STT3A: variants seen among roughly 807,000 people sequenced by gnomAD.
The protein encoded by STT3A is dolichyl-diphosphooligosaccharide--protein glycosyltransferase subunit STT3A.
Under a neutral mutation model 89.2 loss-of-function variants are expected in STT3A, and 34 were observed. The observed-to-expected ratio is 0.38, with a 90% confidence interval of 0.29 to 0.51. STT3A has a LOEUF of 0.51. Ranked by LOEUF, STT3A falls within the 20% of genes least tolerant of loss-of-function variation. The pLI is 0.89. For synonymous variants in STT3A, 282 were observed against 310.3 expected (o/e 0.91, Z 0.96); for missense variants, 555 against 889.5 (o/e 0.62, Z 4.78).
Position 125,620,091 on chromosome 11 carries a change from T to G in STT3A, c.2044T>G (p.Tyr682Asp), listed in dbSNP as rs766872768. ...DFELDVLEEA[Y>D]TTEHWLVRIY... ...TGAGCTTGATGTCCTGGAGGAAGCA[T>G]ATACCACAGAACATTGGCTGGTCAG... is the stretch of plus-strand genomic sequence containing the variant. The change falls in exon 17 of 18, where the codon TAT (tyrosine) becomes GAT (aspartate). Residue 682 changes from tyrosine to aspartate, a missense_variant. This residue lies in a region of STT3A where 273 missense variants were observed against 449.8 expected (regional missense o/e 0.61). Coordinates refer to ENST00000392708, the MANE Select transcript of STT3A (RefSeq NM_152713.5). 2 of 1,614,138 alleles carry G rather than the reference T, an allele frequency of 1.2e-6. No individual in the cohort carries two copies. Among genetic ancestry groups the G allele is most frequent in the East Asian group, 2.2e-5 (1 of 44,882 alleles).
intron 1 of STT3A, among the ~76,000 whole-genome samples, chr11:125,594,550 C>T (rs1820696718): frequency 7.2e-6 from 1 of 138,302 alleles, no homozygotes; most frequent in Non-Finnish European, 1.5e-5. Flanking sequence ...CACCACTGCA[C>T]TCTAGCCTGG....
chr11:125,620,685 G>A, intron 17 of STT3A, 87 bp from the exon 18 acceptor site: 2 of 1,286,620 alleles, frequency 1.6e-6, no homozygotes, highest in Non-Finnish European at 2.3e-6. Flanking sequence ...ACATAATCCT[G>A]CCCACTCTGG....
At chr11:125,609,694 A>G in intron 10 of STT3A, 105 bp downstream of exon 10, 1 of 1,449,506 alleles carries the variant, frequency 6.9e-7, no homozygotes, top group African/African-American at 1.4e-5. Context: ...TTGCCTGTTT[A>G]TGTTGTGTAA....
At chr11:125,596,357 T>C (rs956345685) in intron 2 of STT3A, among the ~76,000 whole-genome samples, 3 of 151,998 alleles carry the variant, frequency 2.0e-5, no homozygotes, top group Non-Finnish European at 4.4e-5. Flanking sequence ...CCCAGCTACT[T>C]GGGAGGCTGA....
Position 125,614,261 on chromosome 11 carries a change from T to G in STT3A, c.1671+58T>G. On this transcript the variant is annotated intron_variant, in intron 14 of 17. Coordinates refer to ENST00000392708, the MANE Select transcript of STT3A (RefSeq NM_152713.5). This position sits in a 1 kb window ranked among gnomAD's most constrained non-coding sequence, Gnocchi z 4.9. ...TGTACAAGGTCTAATGGGAAATGTG[T>G]CTGCATGAGGGGATCATATGACTTG... 1 of 1,612,426 alleles carries G rather than the reference T, an allele frequency of 6.2e-7. No individual in the cohort carries two copies. The highest frequency in any genetic ancestry group is 8.5e-7 in the Non-Finnish European group (1 of 1,178,460).
intron 1 of STT3A, among the ~76,000 whole-genome samples, chr11:125,594,562 G>C (rs1473498725): frequency 8.3e-6 from 1 of 120,390 alleles, no homozygotes; most frequent in African/African-American, 3.1e-5. Flanking sequence ...CTAGCCTGGC[G>C]ACAGAGCAAG....
rs552409541 is a variant in STT3A at position 125,611,178 on chromosome 11, T to C, written c.1118-250T>C. The C allele has an allele frequency of 1.7e-5, 5 of 300,014 alleles. No individual in the cohort carries two copies. The East Asian group carries it at 3.2e-4, about 19-fold the overall frequency. 18.6% of individuals were successfully genotyped at this position (300,014 alleles called of 1,614,324 possible). On this transcript the variant is annotated intron_variant, in intron 10 of 17. Transcript: ENST00000392708. The stretch of plus-strand genomic sequence containing the variant: ...CAGCAATATTTTAATATATTCCATT[T>C]TATAAATATAGTATAATTAGCTCCT...
chr11:125,616,250 G>GTA (rs985268371), intron 15 of STT3A, among the ~76,000 whole-genome samples: 1 of 152,050 alleles, frequency 6.6e-6, no homozygotes, highest in Non-Finnish European at 1.5e-5. Flanking sequence ...TTTAGTATTT[G>GTA]TATATAATAT....
At chr11:125,597,883 C>G (rs1267253929) in intron 3 of STT3A, among the ~76,000 whole-genome samples, 1 of 152,110 alleles carries the variant, frequency 6.6e-6, no homozygotes, top group African/African-American at 2.4e-5. Flanking sequence ...TTTCAGCAAC[C>G]CTTTGAGATG....
intron 9 of STT3A, 172 bp downstream of exon 9, chr11:125,608,461 C>A: frequency 1.8e-6 from 1 of 568,254 alleles, no homozygotes; most frequent in East Asian, 3.6e-5. Flanking sequence ...ATTACAGGCG[C>A]CTGCCACCGC....
Position 125,619,992 on chromosome 11 carries a change from C to A in STT3A, c.1964-19C>A. 2 of 1,605,350 alleles carry A rather than the reference C, an allele frequency of 1.2e-6. No individual in the cohort carries two copies. The highest frequency in any genetic ancestry group is 1.7e-6 in the Non-Finnish European group (2 of 1,173,012). On this transcript the variant is annotated intron_variant, in intron 16 of 17. Transcript: ENST00000392708. ...TTAGCACTGTAGAAAGAAGTGTGTT[C>A]TTTTTCATCCCTCTCTAGAGCGTCC...
chr11:125,594,382 C>T (rs1468954678), intron 1 of STT3A, among the ~76,000 whole-genome samples: 1 of 152,022 alleles, frequency 6.6e-6, no homozygotes, highest in Non-Finnish European at 1.5e-5. Context: ...GAGATCCAGA[C>T]CACCCTGGCC....
intron 15 of STT3A, 114 bp from the exon 16 acceptor site, chr11:125,618,259 A>T: frequency 1.0e-6 from 1 of 979,728 alleles, no homozygotes; most frequent in Non-Finnish European, 1.5e-6. Flanking sequence ...AATTAGAGTT[A>T]AATGATACCA....
At chr11:125,601,665 C>G (rs1939684745) in intron 3 of STT3A, among the ~76,000 whole-genome samples, 1 of 152,086 alleles carries the variant, frequency 6.6e-6, no homozygotes, top group African/African-American at 2.4e-5. Flanking sequence ...TATTGGTGCC[C>G]ACATCTCAGT....
At chr11:125,592,385 T>A (rs186039640), upstream of STT3A, 9 of 456,210 alleles carry the variant, frequency 2.0e-5, no homozygotes, top group Admixed American at 4.7e-5. Flanking sequence ...TTCCCTCCTC[T>A]CCTTTCACCT....
In STT3A at chr11:125,596,022, C is replaced by G; in HGVS notation, c.88+19C>G. The G allele has an allele frequency of 6.4e-7, 1 of 1,565,698 alleles. No individual in the cohort carries two copies. Reference sequence around the variant, plus strand: ...GTATTATGTGAGTGTGCATGTGAACCTCTCTTTCTTTGGGGATAGAAAGAA... The same window carrying G: ...GTATTATGTGAGTGTGCATGTGAACGTCTCTTTCTTTGGGGATAGAAAGAA... On this transcript the variant is annotated intron_variant, in intron 2 of 17. Coordinates refer to ENST00000392708, the MANE Select transcript of STT3A (RefSeq NM_152713.5).
intron 10 of STT3A, 200 bp downstream of exon 10, chr11:125,609,789 A>G: frequency 2.1e-6 from 1 of 481,176 alleles, no homozygotes. Flanking sequence ...TGGCAAGTTC[A>G]GCCTCACAGT....
In STT3A at chr11:125,611,445, T is replaced by C. The variant is rs745660714; in HGVS notation, c.1135T>C (p.Phe379Leu). ...FMFPVGLYYC[F>L]SNLSDARIFI... ...TTTTGTAGTTGGCCTCTATTACTGC[T>C]TTAGCAACCTGTCTGATGCCCGGAT... Residue 379 changes from phenylalanine to leucine, a missense_variant, in exon 11 of 18, where the codon TTT becomes CTT. By Grantham distance (22) the Phe-to-Leu change is conservative. Transcript: ENST00000392708. 1.2e-6 allele frequency: 2 copies of C among 1,614,016 alleles called. No individual in the cohort carries two copies. Among genetic ancestry groups the C allele is most frequent in the Non-Finnish European group, 1.7e-6 (2 of 1,179,922 alleles).
chr11:125,610,513 AT>A (rs1450979993), intron 10 of STT3A, among the ~76,000 whole-genome samples: 3 of 151,882 alleles, frequency 2.0e-5, no homozygotes, highest in Non-Finnish European at 2.9e-5. Context: ...AAGGTCAGGA[AT>A]TTGAGATCAA....
Sources: allele counts gnomAD v4.1 joint callset (sites outside exome capture counted in the v4.1 genomes callset), GRCh38; gene constraint gnomAD v4.1.1; regional missense constraint gnomAD v4.1.1; non-coding constraint Gnocchi (gnomAD v3.1); transcripts MANE v1.5; gene names NCBI Gene and HGNC (gene_info 2026-07-23, HGNC 2026-07-21).